Variants in NPRL3 observed in about 807,000 individuals in gnomAD.
The protein encoded by NPRL3 is NPR3 like, GATOR1 complex subunit.
NPRL3 carries 23 observed loss-of-function variants against 57.2 expected under a neutral mutation model. The observed-to-expected ratio is 0.40, with a 90% CI of 0.29 to 0.57. The LOEUF is 0.57. NPRL3 is among the 20% of genes least tolerant of loss of function. The probability of loss-of-function intolerance (pLI) is 0.42; values close to 1 mark genes in which losing one functional copy is unlikely to be tolerated. For synonymous variants in NPRL3, 333 were observed against 321.1 expected (o/e 1.04, Z -0.39); for missense variants, 691 against 767.1 (o/e 0.90, Z 1.17).
At chr16:134,694 A>AT (rs34425237) in intron 2 of NPRL3, among the ~76,000 whole-genome samples, 1,523 of 103,384 alleles carry the variant, frequency 0.015, 62 homozygotes, top group African/African-American at 0.039. Context: ...AATTATTATT[A>AT]TTTTTTTTTT....
intron 13 of NPRL3, among the ~76,000 whole-genome samples, chr16:87,638 C>A (rs1332699307): frequency 1.5e-5 from 2 of 135,740 alleles, no homozygotes; most frequent in Middle Eastern, 3.4e-3. Context: ...CGCCATTCTC[C>A]TCCTCCCGCC....
intron 5 of NPRL3, among the ~76,000 whole-genome samples, chr16:116,315 G>GC (rs1267487377): frequency 2.0e-5 from 3 of 152,018 alleles, no homozygotes; most frequent in Admixed American, 6.6e-5. Context: ...TCCTTTGCTT[G>GC]TTTTTTTACT....
intron 3 of NPRL3, among the ~76,000 whole-genome samples, chr16:121,299 G>A (rs1044538417): frequency 1.3e-5 from 2 of 152,244 alleles, no homozygotes; most frequent in East Asian, 3.9e-4. Context: ...CTGCAGAGAC[G>A]GCCAACTGGA....
Position 85,937 on chromosome 16 carries a change from T to A in NPRL3, c.*768A>T. The A allele has an allele frequency of 2.4e-6, 2 of 836,166 alleles. No individual in the cohort carries two copies. Among genetic ancestry groups the A allele is most frequent in the Non-Finnish European group, 3.3e-6 (2 of 605,674 alleles). 51.8% of individuals were successfully genotyped at this position (836,166 alleles called of 1,614,324 possible). ...CACGAGAGCTGGGGGCCTGAGTACG[T>A]AGCGCCAGGCCCGGTGTGGATGCTG... On this transcript the variant is annotated 3_prime_UTR_variant, in exon 14 of 14. Transcript: ENST00000611875.
intron 2 of NPRL3, among the ~76,000 whole-genome samples, chr16:136,715 A>G (rs1901104586): frequency 6.6e-6 from 1 of 151,304 alleles, no homozygotes; most frequent in Non-Finnish European, 1.5e-5. Context: ...AAAAAGAAAT[A>G]CATACGCCTG....
intron 9 of NPRL3, among the ~76,000 whole-genome samples, chr16:96,158 A>T (rs1278737766): frequency 6.6e-6 from 1 of 152,184 alleles, no homozygotes; most frequent in Admixed American, 6.5e-5. Context: ...CTCTGAGAGC[A>T]AGGGTGAGAG....
intron 8 of NPRL3, among the ~76,000 whole-genome samples, 191 bp from the exon 9 acceptor site, chr16:98,492 G>A (rs1341451330): frequency 2.6e-5 from 4 of 152,174 alleles, no homozygotes; most frequent in African/African-American, 7.2e-5. Flanking sequence ...CCCTGCACCA[G>A]GTATGCACCA....
intron 10 of NPRL3, 129 bp from the exon 11 acceptor site, chr16:92,854 G>T: frequency 1.6e-6 from 2 of 1,240,528 alleles, no homozygotes; most frequent in Non-Finnish European, 2.2e-6. Context: ...GGGCAGAACG[G>T]TATGAGGCCA....
Position 89,722 on chromosome 16 carries a change from C to A in NPRL3, c.1342G>T (p.Gly448Cys). 1 of 1,576,516 alleles carries A rather than the reference C, an allele frequency of 6.3e-7. No individual in the cohort carries two copies. The highest frequency in any genetic ancestry group is 8.6e-7 in the Non-Finnish European group (1 of 1,166,772). ...SLSTPNALSF[G>C]SPTSSDDMTL... ...GCCCTGGGGGTCCTACTTGGGGAGC[C>A]AAAGCTGAGGGCGTTGGGCGTGCTG... Residue 448 changes from glycine to cysteine, a missense_variant, in exon 12 of 14, where the codon GGC becomes TGC. Coordinates refer to ENST00000611875, the MANE Select transcript of NPRL3 (RefSeq NM_001077350.3).
intron 13 of NPRL3, among the ~76,000 whole-genome samples, chr16:87,884 TTTTA>T (rs1203581521): frequency 1.3e-5 from 2 of 151,052 alleles, no homozygotes; most frequent in Admixed American, 6.6e-5. Flanking sequence ...TTTTTTTTTT[TTTTA>T]ATGTCACCAT....
In NPRL3 at chr16:110,518, G is replaced by C; in HGVS notation, c.629+7C>G. The C allele has an allele frequency of 6.2e-7, 1 of 1,608,770 alleles. No homozygotes were observed. Among genetic ancestry groups the C allele is most frequent in the Non-Finnish European group, 8.5e-7 (1 of 1,177,348 alleles). ...AGGAGGTTAATAAGCACACCCACCT[G>C]TCTTACCTGTCATAAGCTTCCTTGA... On this transcript the variant is annotated splice_region_variant and intron_variant, in intron 7 of 13. Coordinates refer to ENST00000611875, the MANE Select transcript of NPRL3 (RefSeq NM_001077350.3).
chr16:92,843 A>T (rs776186087), intron 10 of NPRL3, 118 bp from the exon 11 acceptor site: 244 of 1,350,628 alleles, frequency 1.8e-4, no homozygotes, highest in Non-Finnish European at 2.3e-4. Context: ...CAGTGCGATG[A>T]GGGCAGAACG....
chr16:112,817 G>T, intron 5 of NPRL3, 42 bp from the exon 6 acceptor site: 1 of 1,526,556 alleles, frequency 6.6e-7, no homozygotes, highest in East Asian at 2.3e-5. Flanking sequence ...CGTGTGCACA[G>T]GGACACAGCT....
At chr16:120,390 G>A (rs756917434) in intron 3 of NPRL3, among the ~76,000 whole-genome samples, 4 of 152,124 alleles carry the variant, frequency 2.6e-5, no homozygotes, top group Admixed American at 6.5e-5. Context: ...GAAGGGATGG[G>A]AGAGACTGAC....
intron 2 of NPRL3, among the ~76,000 whole-genome samples, chr16:137,005 C>T (rs1167102766): frequency 1.4e-5 from 2 of 143,742 alleles, no homozygotes; most frequent in South Asian, 2.2e-4. Context: ...GCCAGGAGTT[C>T]GAGATCAGCC....
intron 2 of NPRL3, among the ~76,000 whole-genome samples, chr16:136,062 C>T (rs1415854271): frequency 6.6e-6 from 1 of 152,136 alleles, no homozygotes; most frequent in Non-Finnish European, 1.5e-5. Flanking sequence ...AAAATCTAAC[C>T]TATTAAAAAT....
intron 2 of NPRL3, among the ~76,000 whole-genome samples, chr16:134,834 TG>T (rs1900992601): frequency 6.6e-6 from 1 of 150,710 alleles, no homozygotes; most frequent in South Asian, 2.1e-4. Context: ...CCCGAGTAGC[TG>T]GGACTACAGG....
chr16:96,335 G>A (rs1028344554), intron 9 of NPRL3, among the ~76,000 whole-genome samples: 1 of 152,144 alleles, frequency 6.6e-6, no homozygotes, highest in African/African-American at 2.4e-5. Flanking sequence ...CTCAACACAG[G>A]ACCAGTGAAC....
intron 3 of NPRL3, among the ~76,000 whole-genome samples, chr16:127,843 A>AC: frequency 1.3e-5 from 2 of 150,832 alleles, no homozygotes; most frequent in African/African-American, 4.9e-5. Context: ...TTTAGTAGAG[A>AC]TGGGGTTTCA....
Sources: gnomAD v4.1 joint callset for allele counts (sites outside exome capture counted in the v4.1 genomes callset) on GRCh38, gnomAD v4.1.1 for gene constraint, MANE v1.5 for transcripts, NCBI Gene and HGNC (gene_info 2026-07-23, HGNC 2026-07-21) for gene names.